PTPRN2: variants seen among roughly 807,000 people sequenced by gnomAD.
The protein encoded by PTPRN2 is receptor-type tyrosine-protein phosphatase N2.
Under a neutral mutation model 118.8 loss-of-function variants are expected in PTPRN2, and 74 were observed. The observed-to-expected ratio is 0.62, with a 90% CI of 0.52 to 0.76. The LOEUF (loss-of-function observed/expected upper bound fraction) is 0.76. Ranked by LOEUF, PTPRN2 falls within the 30% of genes least tolerant of loss-of-function variation. The pLI is 0.00. For missense variants in PTPRN2, 1,481 were observed against 1,394.4 expected, an observed-to-expected ratio of 1.06 and a Z score of -0.99; for synonymous variants, 641 against 608.0, an observed-to-expected ratio of 1.05 and a Z score of -0.80.
intron 11 of PTPRN2, among the ~76,000 whole-genome samples, chr7:158,071,370 G>A (rs1363483167): frequency 2.3e-5 from 2 of 85,396 alleles, no homozygotes; most frequent in Admixed American, 2.6e-4. Flanking sequence ...GGTGCTCATG[G>A]TGGTGGAGGT....
At chr7:158,081,716 C>T (rs1183426730) in intron 10 of PTPRN2, among the ~76,000 whole-genome samples, 1 of 152,148 alleles carries the variant, frequency 6.6e-6, no homozygotes, top group Non-Finnish European at 1.5e-5. Flanking sequence ...AGATTTTAGT[C>T]TTTGGTCCCC....
At chr7:158,466,697 G>A (rs554767759) in intron 2 of PTPRN2, among the ~76,000 whole-genome samples, 1 of 152,258 alleles carries the variant, frequency 6.6e-6, no homozygotes, top group South Asian at 2.1e-4. Context: ...GGCGTTGATG[G>A]TAGCACTGTT....
At chr7:158,233,635 A>T (rs1178777870) in intron 3 of PTPRN2, among the ~76,000 whole-genome samples, 1 of 152,142 alleles carries the variant, frequency 6.6e-6, no homozygotes, top group Admixed American at 6.5e-5. Context: ...AAATTTACAT[A>T]AGCTCACAAA....
At chr7:158,440,829 G>GATA (rs1816971429) in intron 2 of PTPRN2, among the ~76,000 whole-genome samples, 3 of 147,312 alleles carry the variant, frequency 2.0e-5, no homozygotes, top group Middle Eastern at 3.6e-3. Flanking sequence ...TAGTGGTGGT[G>GATA]GTGGTGATGG....
intron 11 of PTPRN2, among the ~76,000 whole-genome samples, chr7:158,051,952 C>T (rs926264488): frequency 7.9e-5 from 12 of 152,260 alleles, no homozygotes; most frequent in Non-Finnish European, 1.5e-4. Flanking sequence ...GGTAGTGTTA[C>T]TCATGCATGA....
At chr7:158,116,081 A>G (rs982519120) in intron 9 of PTPRN2, among the ~76,000 whole-genome samples, 29 of 152,216 alleles carry the variant, frequency 1.9e-4, no homozygotes, top group African/African-American at 7.0e-4. Flanking sequence ...CTACTGCACC[A>G]TGCACCTCTC....
At chr7:158,395,291 TGAGGGGTGAGGGGCGAGGGGTGAGGGGC>T (rs1224002581) in intron 2 of PTPRN2, among the ~76,000 whole-genome samples, 9 of 48,732 alleles carry the variant, frequency 1.8e-4, no homozygotes, top group Middle Eastern at 9.1e-3. Context: ...AAGTGAGGGG[TGAGGGGTGAGGGGCGAGGGGTGAGGGGC>T]GAGGGGCGAG....
At chr7:158,270,751 T>TCTCCACCTGGACCACCC (rs1563066857) in intron 3 of PTPRN2, among the ~76,000 whole-genome samples, 1 of 139,784 alleles carries the variant, frequency 7.2e-6, no homozygotes, top group East Asian at 2.0e-4. Context: ...TGAGCCGTCT[T>TCTCCACCTGGACCACCC]CTCCACCTGG....
At chr7:158,055,638 G>C (rs1260685766) in intron 11 of PTPRN2, among the ~76,000 whole-genome samples, 1 of 152,216 alleles carries the variant, frequency 6.6e-6, no homozygotes, top group African/African-American at 2.4e-5. Flanking sequence ...CTGATATGCA[G>C]AAATAATGGC....
intron 11 of PTPRN2, among the ~76,000 whole-genome samples, chr7:158,072,064 G>A (rs1811958375): frequency 6.7e-6 from 1 of 148,952 alleles, no homozygotes; most frequent in African/African-American, 2.5e-5. Flanking sequence ...TTCCCGTGGT[G>A]GTGGAGGTGC....
At chr7:158,154,727 T>C (rs1821542738) in intron 6 of PTPRN2, among the ~76,000 whole-genome samples, 1 of 148,080 alleles carries the variant, frequency 6.8e-6, no homozygotes, top group Non-Finnish European at 1.5e-5. Context: ...CTTTTTAGGT[T>C]ATCATTAATG....
rs372821269 is a variant in PTPRN2 at position 158,341,406 on chromosome 7, G to A, written c.164-24474C>T. On this transcript the variant is annotated intron_variant, in intron 2 of 22. Coordinates refer to ENST00000389418, the MANE Select transcript of PTPRN2 (RefSeq NM_002847.5). ...CCACACTCTCACCATAAGAGCTGTC[G>A]CCCGCAGAGGTCACTCACACCCACA... 1.1e-3 allele frequency among the ~76,000 whole-genome samples: 110 copies of A among 100,846 alleles called. 1 individual carries two copies. The highest frequency in any genetic ancestry group is 2.2e-3 in the East Asian group (7 of 3,122). 66.2% of individuals were successfully genotyped at this position (100,846 alleles called of 152,430 possible). A position where few individuals can be genotyped will look rare whatever the true frequency, so the allele number is the denominator to read the frequency against.
intron 12 of PTPRN2, among the ~76,000 whole-genome samples, chr7:157,707,004 C>T (rs1472390548): frequency 5.9e-5 from 9 of 151,752 alleles, no homozygotes; most frequent in East Asian, 3.9e-4. Flanking sequence ...AATCTGACCC[C>T]GGTGCCTTCC....
chr7:158,379,569 G>T (rs1810801569), intron 2 of PTPRN2, among the ~76,000 whole-genome samples: 1 of 151,852 alleles, frequency 6.6e-6, no homozygotes, highest in African/African-American at 2.4e-5. Flanking sequence ...CACCTCACGG[G>T]TGGAGCAGGG....
At chr7:157,972,157 C>G (rs966952965) in intron 11 of PTPRN2, among the ~76,000 whole-genome samples, 5 of 152,186 alleles carry the variant, frequency 3.3e-5, no homozygotes, top group Non-Finnish European at 7.3e-5. Context: ...CAAGATTGCA[C>G]AGCTTGGAAG....
At chr7:157,814,059 G>GCCGTGC (rs1806230540) in intron 12 of PTPRN2, among the ~76,000 whole-genome samples, 1 of 152,216 alleles carries the variant, frequency 6.6e-6, no homozygotes, top group African/African-American at 2.4e-5. Flanking sequence ...GGCAGTGGTC[G>GCCGTGC]CCACACCCAC....
At chr7:158,367,317 C>T (rs773745544) in intron 2 of PTPRN2, among the ~76,000 whole-genome samples, 5 of 152,346 alleles carry the variant, frequency 3.3e-5, no homozygotes, top group South Asian at 2.1e-4. Context: ...CATGAGCCCC[C>T]GATTCTCCAA....
intron 13 of PTPRN2, among the ~76,000 whole-genome samples, chr7:157,672,163 A>T (rs568352401): frequency 6.8e-6 from 1 of 147,858 alleles, no homozygotes; most frequent in Admixed American, 6.8e-5. Context: ...GTGTCTGAAA[A>T]CCCCCCCTGG....
intron 16 of PTPRN2, among the ~76,000 whole-genome samples, chr7:157,597,302 G>T (rs368206179): frequency 1.3e-5 from 2 of 152,170 alleles, no homozygotes; most frequent in African/African-American, 4.8e-5. Flanking sequence ...TTATGTTACC[G>T]TCGCTGAAAG....
Sources: gnomAD v4.1 joint callset for allele counts (sites outside exome capture counted in the v4.1 genomes callset) on GRCh38, gnomAD v4.1.1 for gene constraint, MANE v1.5 for transcripts, NCBI Gene and HGNC (gene_info 2026-07-23, HGNC 2026-07-21) for gene names.